Variants in SYN2 observed in about 807,000 individuals in gnomAD.
The protein encoded by SYN2 is synapsin II.
SYN2 carries 19 observed loss-of-function variants against 50.9 expected under a neutral mutation model. That is an observed-to-expected ratio of 0.37 (90% CI 0.26 to 0.55). The LOEUF is 0.55. Among genes scored for constraint, SYN2 ranks in the 20% least tolerant of loss-of-function variants. SYN2 has a pLI of 0.81. For synonymous variants in SYN2, 255 were observed against 224.9 expected (o/e 1.13, Z -1.20); for missense variants, 587 against 576.4 (o/e 1.02, Z -0.19).
chr3:12,009,685 T>C (rs1693876223), intron 1 of SYN2, among the ~76,000 whole-genome samples: 1 of 152,196 alleles, frequency 6.6e-6, no homozygotes, highest in African/African-American at 2.4e-5. Flanking sequence ...CATGGAGCTG[T>C]TAGTAAGTGC....
chr3:12,054,383 T>G (rs537896015), intron 1 of SYN2, among the ~76,000 whole-genome samples: 1 of 152,136 alleles, frequency 6.6e-6, no homozygotes, highest in Non-Finnish European at 1.5e-5. Context: ...CTGGGAGTTG[T>G]AGGAGGAGCC....
chr3:12,158,340 T>C (rs1000388727), intron 5 of SYN2, among the ~76,000 whole-genome samples: 4 of 151,886 alleles, frequency 2.6e-5, no homozygotes, highest in African/African-American at 9.7e-5. Context: ...CAGACACGGG[T>C]AGTTACAATG....
intron 1 of SYN2, among the ~76,000 whole-genome samples, chr3:12,106,282 G>A (rs1048645133): frequency 2.0e-5 from 3 of 152,134 alleles, no homozygotes; most frequent in African/African-American, 4.8e-5. Flanking sequence ...GTCTCCAGCT[G>A]GAGAAAACTC....
At chr3:12,124,677 G>A (rs1412785599) in intron 1 of SYN2, among the ~76,000 whole-genome samples, 1 of 152,158 alleles carries the variant, frequency 6.6e-6, no homozygotes, top group Admixed American at 6.5e-5. Flanking sequence ...TGGGAAAAAT[G>A]CAGGTCGTAG....
chr3:12,057,554 T>A (rs1695022154), intron 1 of SYN2, among the ~76,000 whole-genome samples: 1 of 152,164 alleles, frequency 6.6e-6, no homozygotes, highest in South Asian at 2.1e-4. Context: ...GACATGCCTG[T>A]AGGATGACTA....
intron 1 of SYN2, among the ~76,000 whole-genome samples, chr3:12,118,235 A>T (rs897474471): frequency 6.6e-6 from 1 of 152,190 alleles, no homozygotes; most frequent in Non-Finnish European, 1.5e-5. Flanking sequence ...CTCAAGTGAG[A>T]TAATATATGA....
intron 1 of SYN2, among the ~76,000 whole-genome samples, chr3:12,113,950 C>T (rs1311844494): frequency 2.0e-5 from 3 of 151,950 alleles, no homozygotes; most frequent in Admixed American, 1.3e-4. Context: ...TTTCAGTTCC[C>T]AGAATGGAAT....
intron 1 of SYN2, among the ~76,000 whole-genome samples, chr3:12,010,494 C>G (rs949166213): frequency 6.6e-6 from 1 of 152,174 alleles, no homozygotes; most frequent in Non-Finnish European, 1.5e-5. Flanking sequence ...GCATAGGATG[C>G]TATGGGAACA....
intron 1 of SYN2, among the ~76,000 whole-genome samples, chr3:12,005,585 T>G (rs1254864000): frequency 6.6e-6 from 1 of 151,650 alleles, no homozygotes; most frequent in African/African-American, 2.4e-5. Context: ...ATTTTTTTTT[T>G]TTTTTTTTGA....
intron 1 of SYN2, among the ~76,000 whole-genome samples, chr3:12,086,059 A>G (rs1056074144): frequency 6.6e-6 from 1 of 152,226 alleles, no homozygotes; most frequent in Non-Finnish European, 1.5e-5. Flanking sequence ...AAGAGTGGAC[A>G]TTATACCTGA....
intron 1 of SYN2, among the ~76,000 whole-genome samples, chr3:12,016,022 TTCTC>T (rs1450753618): frequency 6.6e-6 from 1 of 152,252 alleles, no homozygotes; most frequent in Admixed American, 6.5e-5. Context: ...GAGATCCCCT[TTCTC>T]TATCATGGAC....
At chr3:12,124,717 A>G (rs927595716) in intron 1 of SYN2, among the ~76,000 whole-genome samples, 1 of 152,224 alleles carries the variant, frequency 6.6e-6, no homozygotes, top group African/African-American at 2.4e-5. Flanking sequence ...CATCACTTAT[A>G]TTAAGCCCCA....
At chr3:12,084,691 T>C (rs938027619) in intron 1 of SYN2, among the ~76,000 whole-genome samples, 2 of 152,212 alleles carry the variant, frequency 1.3e-5, no homozygotes, top group African/African-American at 2.4e-5. Context: ...TGAAATATTA[T>C]ATAGCTGCAA....
intron 1 of SYN2, among the ~76,000 whole-genome samples, chr3:12,072,254 A>G (rs1402265465): frequency 2.6e-5 from 4 of 152,196 alleles, no homozygotes; most frequent in African/African-American, 4.8e-5. Flanking sequence ...CAGATATATG[A>G]TTAGCAAATA....
chr3:12,124,874 T>C (rs1165802718), intron 1 of SYN2, among the ~76,000 whole-genome samples: 1 of 152,192 alleles, frequency 6.6e-6, no homozygotes, highest in Admixed American at 6.5e-5. Flanking sequence ...GGGAGGAATA[T>C]GCAAGCGATT....
intron 1 of SYN2, among the ~76,000 whole-genome samples, chr3:12,114,952 C>G (rs1696399743): frequency 6.6e-6 from 1 of 152,170 alleles, no homozygotes; most frequent in South Asian, 2.1e-4. Flanking sequence ...CACCCCGAAT[C>G]TTTCCTCCAC....
At chr3:12,183,742 G>A (rs1698276404) in intron 11 of SYN2, 1 of 1,159,552 alleles carries the variant, frequency 8.6e-7, no homozygotes, top group Non-Finnish European at 1.1e-6. Flanking sequence ...CTTCTGGGTG[G>A]TTTGATAGTG....
chr3:12,046,025 A>G (rs1232453375), intron 1 of SYN2, among the ~76,000 whole-genome samples: 2 of 152,306 alleles, frequency 1.3e-5, no homozygotes, highest in East Asian at 3.9e-4. Flanking sequence ...TATAGTACTT[A>G]CTACAACTCT....
chr3:12,174,493 A>AT (rs529850040), intron 10 of SYN2, among the ~76,000 whole-genome samples: 48 of 151,538 alleles, frequency 3.2e-4, no homozygotes, highest in African/African-American at 9.7e-4. Context: ...TTAGTTTTGC[A>AT]TTTTTTTTGA....
Sources: gnomAD v4.1 joint callset for allele counts (sites outside exome capture counted in the v4.1 genomes callset) on GRCh38, gnomAD v4.1.1 for gene constraint, MANE v1.5 for transcripts, NCBI Gene and HGNC (gene_info 2026-07-23, HGNC 2026-07-21) for gene names.